The following TANGO6 variants were observed in gnomAD, a reference collection of about 807,000 sequenced individuals.
TANGO6 encodes the protein transport and Golgi organization protein 6 homolog.
A neutral mutation model predicts 114.2 loss-of-function variants in TANGO6; 90 were observed. That is an observed-to-expected ratio of 0.79 (90% CI 0.66 to 0.94). The LOEUF is 0.94. Ranked by LOEUF, TANGO6 falls within the 40% of genes least tolerant of loss-of-function variation. The pLI, the probability that TANGO6 is intolerant of heterozygous loss-of-function variation, is 0.00. For synonymous variants in TANGO6, 477 were observed against 509.8 expected, an observed-to-expected ratio of 0.94 and a Z score of 0.87; for missense variants, 1,274 against 1,315.3, an observed-to-expected ratio of 0.97 and a Z score of 0.49.
At chr16:68,886,703 G>T (rs1962543830) in intron 7 of TANGO6, among the ~76,000 whole-genome samples, 2 of 151,852 alleles carry the variant, frequency 1.3e-5, no homozygotes, top group South Asian at 4.2e-4. Context: ...TAGAGACGGG[G>T]TTTCACCATG....
intron 4 of TANGO6, among the ~76,000 whole-genome samples, chr16:68,871,646 G>T (rs780692741): frequency 2.6e-5 from 4 of 151,846 alleles, no homozygotes; most frequent in Non-Finnish European, 5.9e-5. Flanking sequence ...CAGAGACAGG[G>T]TCTTGCTCTG....
chr16:69,015,543 A>G (rs189329819), intron 15 of TANGO6, among the ~76,000 whole-genome samples: 24 of 151,812 alleles, frequency 1.6e-4, no homozygotes, highest in African/African-American at 5.8e-4. Flanking sequence ...GTGCTGTGGC[A>G]TGATCTCGGC....
chr16:68,902,552 A>T, intron 9 of TANGO6, 48 bp downstream of exon 9: 1 of 1,485,790 alleles, frequency 6.7e-7, no homozygotes, highest in Non-Finnish European at 9.0e-7. Context: ...AGTTCCGCCC[A>T]AAAGGCCATT....
intron 15 of TANGO6, among the ~76,000 whole-genome samples, chr16:69,004,986 A>G (rs376181046): frequency 1.3e-5 from 2 of 152,212 alleles, no homozygotes; most frequent in Non-Finnish European, 2.9e-5. Flanking sequence ...CTAACCCACA[A>G]TTCTAGAGGG....
chr16:68,950,956 G>A (rs1344849168), intron 14 of TANGO6, among the ~76,000 whole-genome samples: 1 of 152,028 alleles, frequency 6.6e-6, no homozygotes, highest in Non-Finnish European at 1.5e-5. Flanking sequence ...AAAGATGGGT[G>A]GGCAGGATTT....
At chr16:69,066,128 C>T (rs961477156) in intron 17 of TANGO6, among the ~76,000 whole-genome samples, 27 of 152,094 alleles carry the variant, frequency 1.8e-4, no homozygotes. Flanking sequence ...ATACTGTGTT[C>T]AGACTACATT....
chr16:69,003,617 C>G (rs911735811), intron 15 of TANGO6, among the ~76,000 whole-genome samples: 3 of 152,022 alleles, frequency 2.0e-5, no homozygotes, highest in African/African-American at 2.4e-5. Context: ...ACATAGGGGA[C>G]CAAAATTTAG....
chr16:68,864,965 A>G (rs1314558481), intron 3 of TANGO6, among the ~76,000 whole-genome samples: 1 of 152,086 alleles, frequency 6.6e-6, no homozygotes, highest in African/African-American at 2.4e-5. Context: ...TCTGTTACTA[A>G]TTTTGAGGCT....
intron 17 of TANGO6, among the ~76,000 whole-genome samples, chr16:69,043,972 C>G (rs971299362): frequency 6.6e-5 from 10 of 152,182 alleles, no homozygotes; most frequent in African/African-American, 2.4e-4. Context: ...CATCAACGCC[C>G]CTAACTCATG....
intron 10 of TANGO6, among the ~76,000 whole-genome samples, chr16:68,908,042 T>C (rs1434005954): frequency 1.3e-5 from 2 of 152,192 alleles, no homozygotes. Flanking sequence ...TGTTTCTTAG[T>C]GCCAGTGGTT....
At chr16:68,958,530 GGAGGGAGAGAGA>G (rs1309756319) in intron 14 of TANGO6, among the ~76,000 whole-genome samples, 1 of 151,062 alleles carries the variant, frequency 6.6e-6, no homozygotes, top group East Asian at 2.0e-4. Flanking sequence ...AGGAAGCAGG[GGAGGGAGAGAGA>G]GAGGGAGGGA....
At chr16:69,003,143 T>C (rs1163851847) in intron 15 of TANGO6, among the ~76,000 whole-genome samples, 1 of 152,034 alleles carries the variant, frequency 6.6e-6, no homozygotes, top group Non-Finnish European at 1.5e-5. Context: ...CCCTCAAAGG[T>C]ATTTTTCCAG....
rs371779852 is a variant in TANGO6 at position 68,976,878 on chromosome 16, AC to A, written c.2842+2711del. ...CTTTTATTCTTTAAGTTATATCAGC[AC>A]TTCTTAGGTACTGCTGTATTTGTCC... On this transcript the variant is annotated intron_variant, in intron 15 of 17. Transcript: ENST00000261778. Among the ~76,000 whole-genome samples the A allele has an allele frequency of 4.6e-3, 700 of 152,298 alleles. 3 individuals carry two copies. The highest frequency in any genetic ancestry group is 0.016 in the South Asian group (78 of 4,820).
chr16:69,063,781 TTTCTTC>T (rs575958202), intron 17 of TANGO6, among the ~76,000 whole-genome samples: 60 of 115,448 alleles, frequency 5.2e-4, no homozygotes, highest in South Asian at 1.2e-3. Flanking sequence ...TAGCCATACT[TTTCTTC>T]TTCTTCTTCT....
chr16:68,935,964 T>A (rs1963295415), intron 14 of TANGO6, among the ~76,000 whole-genome samples: 1 of 152,166 alleles, frequency 6.6e-6, no homozygotes, highest in African/African-American at 2.4e-5. Context: ...GAGGATTGCT[T>A]GAGCCCAAGA....
intron 8 of TANGO6, 125 bp from the exon 9 acceptor site, chr16:68,902,203 C>T: frequency 1.2e-6 from 1 of 839,942 alleles, no homozygotes; most frequent in Middle Eastern, 2.4e-4. Context: ...TTCAGTAGTA[C>T]TAGGAGATTG....
chr16:69,002,440 T>C (rs1044000571), intron 15 of TANGO6, among the ~76,000 whole-genome samples: 1 of 152,144 alleles, frequency 6.6e-6, no homozygotes. Context: ...ATAGGGATGT[T>C]TTCCCCCATG....
intron 7 of TANGO6, among the ~76,000 whole-genome samples, chr16:68,888,533 GA>G (rs926775381): frequency 3.3e-5 from 5 of 152,142 alleles, no homozygotes; most frequent in African/African-American, 1.2e-4. Context: ...GTTAGGGTAG[GA>G]AAAACTGGGA....
chr16:68,931,009 T>TA (rs1963232894), intron 14 of TANGO6, among the ~76,000 whole-genome samples: 1 of 152,166 alleles, frequency 6.6e-6, no homozygotes, highest in Non-Finnish European at 1.5e-5. Flanking sequence ...TATTTTCTTA[T>TA]CAAAAAATTT....
Sources: gnomAD v4.1 joint callset for allele counts (sites outside exome capture counted in the v4.1 genomes callset) on GRCh38, gnomAD v4.1.1 for gene constraint, MANE v1.5 for transcripts, NCBI Gene and HGNC (gene_info 2026-07-23, HGNC 2026-07-21) for gene names.